The following THBS4 variants were observed in gnomAD, a reference collection of about 807,000 sequenced individuals.
The protein encoded by THBS4 is thrombospondin 4, also known as thrombospondin-4.
THBS4 carries 90 observed loss-of-function variants against 115.7 expected under a neutral mutation model. The observed-to-expected ratio is 0.78, with a 90% CI of 0.66 to 0.93. The LOEUF (loss-of-function observed/expected upper bound fraction) is 0.93. Ranked by LOEUF, THBS4 falls within the 40% of genes least tolerant of loss-of-function variation. The pLI is 0.00. For missense variants in THBS4, 1,087 were observed against 1,232.7 expected (o/e 0.88, Z 1.77); for synonymous variants, 460 against 479.3 (o/e 0.96, Z 0.53).
chr5:80,076,833 T>A (rs1743240342), intron 15 of THBS4, 22 bp from the exon 16 acceptor site: 1 of 1,527,672 alleles, frequency 6.5e-7, no homozygotes, highest in Non-Finnish European at 8.8e-7. Flanking sequence ...GTGAGCCACA[T>A]CACCTGTCCT....
chr5:80,013,779 T>C (rs1244088099), intron 2 of THBS4, among the ~76,000 whole-genome samples: 1 of 152,220 alleles, frequency 6.6e-6, no homozygotes, highest in African/African-American at 2.4e-5. Context: ...AATAGAGATA[T>C]AATAATACTT....
intron 2 of THBS4, among the ~76,000 whole-genome samples, chr5:80,046,167 A>C (rs1833059717): frequency 1.3e-5 from 2 of 152,248 alleles, no homozygotes; most frequent in Admixed American, 1.3e-4. Flanking sequence ...GAGGTAAGTC[A>C]TAGATGGCTC....
chr5:80,051,140 A>G (rs1268488061), intron 2 of THBS4, among the ~76,000 whole-genome samples: 1 of 152,190 alleles, frequency 6.6e-6, no homozygotes, highest in Non-Finnish European at 1.5e-5. Context: ...GGCAAGAGGA[A>G]GGGAACCCTG....
chr5:80,033,376 T>C (rs1832622764), upstream of THBS4: 1 of 170,400 alleles, frequency 5.9e-6, no homozygotes, highest in East Asian at 1.8e-4. Flanking sequence ...ATTACATATA[T>C]AGTAGAAGAA....
intron 2 of THBS4, among the ~76,000 whole-genome samples, chr5:80,024,519 C>T (rs921082951): frequency 3.3e-5 from 5 of 152,134 alleles, no homozygotes; most frequent in Admixed American, 1.3e-4. Context: ...CATCCAAGAG[C>T]GTAAAGGACT....
intron 2 of THBS4, among the ~76,000 whole-genome samples, chr5:80,041,255 CTCT>C (rs1303648265): frequency 1.3e-5 from 2 of 152,170 alleles, no homozygotes; most frequent in Non-Finnish European, 2.9e-5. Flanking sequence ...TCTCTTGTGT[CTCT>C]TCTTATAAAG....
chr5:80,070,637 C>T lies in THBS4; in HGVS notation c.1453-6C>T, dbSNP rs1834007852. ...ATGTCACTCGGAACTGCATTTTCCC[C>T]CTAAGGACAACTGCAAATATGTGCC... On this transcript the variant is annotated splice_polypyrimidine_tract_variant and splice_region_variant and intron_variant, in intron 11 of 21. Transcript: ENST00000350881. The T allele has an allele frequency of 6.2e-7, 1 of 1,613,026 alleles. No individual in the cohort carries two copies. Among genetic ancestry groups the T allele is most frequent in the Non-Finnish European group, 8.5e-7 (1 of 1,179,020 alleles).
chr5:80,027,377 C>A (rs1832498157), intron 2 of THBS4, among the ~76,000 whole-genome samples: 1 of 152,124 alleles, frequency 6.6e-6, no homozygotes, highest in Non-Finnish European at 1.5e-5. Context: ...AGCCATTTTG[C>A]AACCATGAGG....
chr5:80,005,520 G>C (rs1388472165), intron 2 of THBS4, among the ~76,000 whole-genome samples: 1 of 152,120 alleles, frequency 6.6e-6, no homozygotes, highest in Non-Finnish European at 1.5e-5. Flanking sequence ...TTTGTAAAAA[G>C]AGTGTGCACG....
At chr5:79,997,030 G>C (rs955314833) in intron 1 of THBS4, among the ~76,000 whole-genome samples, 1 of 138,776 alleles carries the variant, frequency 7.2e-6, no homozygotes, top group African/African-American at 2.6e-5. Context: ...AATCAAAATA[G>C]TTTTTTTTTT....
At chr5:80,013,740 C>T (rs916388992) in intron 2 of THBS4, among the ~76,000 whole-genome samples, 1 of 152,094 alleles carries the variant, frequency 6.6e-6, no homozygotes, top group Non-Finnish European at 1.5e-5. Flanking sequence ...GTCTGTATCC[C>T]CTCTAAGACT....
At chr5:80,002,576 T>A (rs530981446) in intron 2 of THBS4, among the ~76,000 whole-genome samples, 1 of 151,830 alleles carries the variant, frequency 6.6e-6, no homozygotes, top group East Asian at 1.9e-4. Context: ...ATCTTTTAAA[T>A]AGAAAGGGTG....
chr5:80,061,788 A>G lies in THBS4; in HGVS notation c.1081A>G (p.Met361Val), dbSNP rs1833646304. ...DACPVGFTGPMVQGVGISFAK... is the reference protein window; with the variant it reads ...DACPVGFTGPVVQGVGISFAK... ...CTGCCCAGTGGGCTTCACAGGGCCCATGGTGCAGGGTGTTGGGATCAGTTT... is the reference window on the plus strand; with the variant it reads ...CTGCCCAGTGGGCTTCACAGGGCCCGTGGTGCAGGGTGTTGGGATCAGTTT... The change falls in exon 8 of 22, where the codon ATG becomes GTG. Residue 361 changes from methionine (M) to valine (V), a missense_variant. This residue lies in a region of THBS4 where 979 missense variants were observed against 1,103.7 expected (regional missense o/e 0.89). Coordinates refer to ENST00000350881, the MANE Select transcript of THBS4 (RefSeq NM_003248.6). 5 of 1,613,964 alleles carry G rather than the reference A, an allele frequency of 3.1e-6. No individual in the cohort carries two copies. Among genetic ancestry groups the G allele is most frequent in the African/African-American group, 2.7e-5 (2 of 74,900 alleles).
chr5:80,059,060 G>A (rs144779750), intron 5 of THBS4, among the ~76,000 whole-genome samples: 24 of 152,270 alleles, frequency 1.6e-4, no homozygotes, highest in African/African-American at 5.1e-4. Context: ...AGCCAGGTGC[G>A]GTGCCTCATG....
At chr5:80,074,626 C>CTCT (rs764726369) in intron 15 of THBS4, among the ~76,000 whole-genome samples, 2 of 142,538 alleles carry the variant, frequency 1.4e-5, no homozygotes, top group East Asian at 2.0e-4. Context: ...CTCTCTCTCT[C>CTCT]TTTTTTTTTT....
At chr5:80,064,865 A>T (rs1023945712) in intron 8 of THBS4, among the ~76,000 whole-genome samples, 3 of 152,180 alleles carry the variant, frequency 2.0e-5, no homozygotes, top group African/African-American at 7.2e-5. Flanking sequence ...ACAGCTTAGC[A>T]GGGAGTTCAT....
upstream of THBS4, among the ~76,000 whole-genome samples, chr5:80,031,134 T>G (rs564209488): frequency 3.9e-5 from 6 of 152,264 alleles, no homozygotes; most frequent in Admixed American, 6.5e-5. Flanking sequence ...TACGTTTTTT[T>G]GGGGGAGAGT....
At chr5:79,995,022 A>G (rs1831763282) in intron 1 of THBS4, among the ~76,000 whole-genome samples, 1 of 152,232 alleles carries the variant, frequency 6.6e-6, no homozygotes, top group South Asian at 2.1e-4. Flanking sequence ...ATATAAGTGA[A>G]GGCATAGAAA....
chr5:80,047,539 G>A lies in THBS4; in HGVS notation c.292+7259G>A, dbSNP rs573750514. ...ATTTGAAAAAAGGGCTAGGTGCCGT[G>A]GCTCATGCCTGTAATCCCAGCACTT... On this transcript the variant is annotated intron_variant, in intron 2 of 21. Transcript: ENST00000350881. Among the ~76,000 whole-genome samples the A allele has an allele frequency of 5.3e-5, 8 of 152,164 alleles. No individual in the cohort carries two copies. The South Asian group carries it at 1.7e-3, about 32-fold the overall frequency.
Sources: allele counts gnomAD v4.1 joint callset (sites outside exome capture counted in the v4.1 genomes callset), GRCh38; gene constraint gnomAD v4.1.1; regional missense constraint gnomAD v4.1.1; transcripts MANE v1.5; gene names NCBI Gene and HGNC (gene_info 2026-07-23, HGNC 2026-07-21).